The following MECOM variants were observed in gnomAD, a reference collection of about 807,000 sequenced individuals.
MECOM encodes the protein histone-lysine N-methyltransferase MECOM.
Under a neutral mutation model 116.3 loss-of-function variants are expected in MECOM, and 13 were observed. The observed-to-expected ratio is 0.11, with a 90% confidence interval of 0.07 to 0.18. MECOM has a LOEUF of 0.18. Ranked by LOEUF, MECOM falls within the 10% of genes least tolerant of loss-of-function variation. The pLI is 1.00. For synonymous variants in MECOM, 528 were observed against 535.2 expected (o/e 0.99, Z 0.19); for missense variants, 1,299 against 1,509.0 (o/e 0.86, Z 2.31).
chr3:169,173,371 C>T (rs1250550917), intron 2 of MECOM, among the ~76,000 whole-genome samples: 2 of 152,074 alleles, frequency 1.3e-5, no homozygotes, highest in Admixed American at 6.6e-5. Flanking sequence ...TCCAACAACT[C>T]TCAAAGCTTT....
chr3:169,472,656 A>AGG (rs1749704863), intron 1 of MECOM, among the ~76,000 whole-genome samples: 3 of 74,890 alleles, frequency 4.0e-5, no homozygotes, highest in Admixed American at 1.2e-4. Flanking sequence ...AGGAAAAGAA[A>AGG]AGAAAGGAAA....
intron 1 of MECOM, among the ~76,000 whole-genome samples, chr3:169,579,178 CT>C (rs2109518817): frequency 6.6e-6 from 1 of 152,282 alleles, no homozygotes; most frequent in Admixed American, 6.5e-5. Flanking sequence ...GCTGCACAGT[CT>C]TCCCCCTTCT....
At chr3:169,095,368 G>T (rs1721135546) in intron 12 of MECOM, 123 bp from the exon 13 acceptor site, 2 of 707,624 alleles carry the variant, frequency 2.8e-6, no homozygotes, top group South Asian at 4.8e-5. Flanking sequence ...AAGGCACAGG[G>T]AGAATACTAT....
intron 9 of MECOM, among the ~76,000 whole-genome samples, 191 bp from the exon 10 acceptor site, chr3:169,108,143 C>G (rs543344599): frequency 5.9e-5 from 9 of 152,228 alleles, no homozygotes; most frequent in South Asian, 2.1e-4. Flanking sequence ...CCTCTGTTTA[C>G]CTAAATGGAA....
chr3:169,484,047 GA>G, intron 1 of MECOM: 1 of 1,272,012 alleles, frequency 7.9e-7, no homozygotes, highest in Non-Finnish European at 1.1e-6. Context: ...ATAACTAATG[GA>G]AAGTACAACC....
At chr3:169,095,530 C>T (rs549650047) in intron 12 of MECOM, among the ~76,000 whole-genome samples, 1 of 152,084 alleles carries the variant, frequency 6.6e-6, no homozygotes, top group Non-Finnish European at 1.5e-5. Context: ...TAAAATAAAG[C>T]ACATTGAGGA....
intron 16 of MECOM, 139 bp from the exon 17 acceptor site, chr3:169,085,182 A>G (rs1717268322): frequency 8.9e-7 from 1 of 1,124,610 alleles, no homozygotes; most frequent in South Asian, 1.5e-5. Flanking sequence ...CAAAGAAGGC[A>G]TATTTTTTGT....
intron 1 of MECOM, among the ~76,000 whole-genome samples, chr3:169,537,889 C>T (rs1759584336): frequency 6.6e-6 from 1 of 152,070 alleles, no homozygotes. Context: ...AACCTATAAA[C>T]CTACTTCTAT....
At chr3:169,473,059 G>T in intron 1 of MECOM, 3 of 677,276 alleles carry the variant, frequency 4.4e-6, no homozygotes, top group Non-Finnish European at 5.5e-6. Context: ...GCATCCAACA[G>T]TCTCCTGGTT....
chr3:169,500,640 T>G (rs927548276), intron 1 of MECOM, among the ~76,000 whole-genome samples: 3 of 151,926 alleles, frequency 2.0e-5, no homozygotes, highest in Non-Finnish European at 2.9e-5. Context: ...GTTTTAAAAT[T>G]TTAACATTTT....
chr3:169,391,145 C>A (rs1029682628), intron 1 of MECOM, among the ~76,000 whole-genome samples: 1 of 152,082 alleles, frequency 6.6e-6, no homozygotes, highest in African/African-American at 2.4e-5. Flanking sequence ...GCTGGTAAAA[C>A]GGAATATGAG....
At chr3:169,130,697 G>C (rs1360962674) in intron 4 of MECOM, among the ~76,000 whole-genome samples, 1 of 152,010 alleles carries the variant, frequency 6.6e-6, no homozygotes, top group East Asian at 1.9e-4. Flanking sequence ...CTTCCCAATA[G>C]ACCTTCCAAC....
intron 1 of MECOM, among the ~76,000 whole-genome samples, chr3:169,483,499 A>C (rs199792306): frequency 0.069 from 9,687 of 140,970 alleles, 591 homozygotes; most frequent in East Asian, 0.25. Context: ...TTTAAGCAGA[A>C]AAAAAAAGAA....
chr3:169,375,416 AATAG>A (rs1302076543), intron 2 of MECOM, among the ~76,000 whole-genome samples: 2 of 151,968 alleles, frequency 1.3e-5, no homozygotes, highest in African/African-American at 4.8e-5. Flanking sequence ...AAATTGACAA[AATAG>A]ATAGACCACT....
In MECOM at chr3:169,182,978, C is replaced by T. The variant is rs371712517; in HGVS notation, c.376-39146G>A. On this transcript the variant is annotated intron_variant, in intron 2 of 16. Transcript: ENST00000651503. ...GGACTAAGACATACATGAATTTCTG[C>T]CCTAGGTCCACAACTTCTTAGGTAC... 4.3e-4 allele frequency among the ~76,000 whole-genome samples: 65 copies of T among 152,258 alleles called. No individual in the cohort carries two copies. The South Asian group carries it at 0.013, about 31-fold the overall frequency.
intron 1 of MECOM, among the ~76,000 whole-genome samples, chr3:169,393,032 C>T (rs923985960): frequency 6.6e-6 from 1 of 152,094 alleles, no homozygotes; most frequent in Admixed American, 6.6e-5. Context: ...GTGGGTAGTT[C>T]CCATGTCAAC....
chr3:169,444,683 G>A (rs1318064992), intron 1 of MECOM, among the ~76,000 whole-genome samples: 1 of 152,128 alleles, frequency 6.6e-6, no homozygotes, highest in African/African-American at 2.4e-5. Context: ...TTGCTGAAAA[G>A]ATACCCGATG....
At chr3:169,646,682 C>T (rs375251128) in intron 1 of MECOM, among the ~76,000 whole-genome samples, 30 of 152,218 alleles carry the variant, frequency 2.0e-4, no homozygotes, top group African/African-American at 7.0e-4. Flanking sequence ...AGCTAGCTTT[C>T]CTTGCCCTAA....
chr3:169,639,200 A>T (rs1214993400), intron 1 of MECOM, among the ~76,000 whole-genome samples: 2 of 152,150 alleles, frequency 1.3e-5, no homozygotes, highest in East Asian at 1.9e-4. Flanking sequence ...TAGCTCTCCC[A>T]TATTAATATG....
Sources: gnomAD v4.1 joint callset for allele counts (sites outside exome capture counted in the v4.1 genomes callset) on GRCh38, gnomAD v4.1.1 for gene constraint, MANE v1.5 for transcripts, NCBI Gene and HGNC (gene_info 2026-07-23, HGNC 2026-07-21) for gene names.